The following CSMD1 variants were observed in gnomAD, a reference collection of about 807,000 sequenced individuals.
CSMD1 encodes the protein CUB and Sushi multiple domains 1.
A neutral mutation model predicts 417.5 loss-of-function variants in CSMD1; 213 were observed. The observed-to-expected ratio is 0.51, with a 90% CI of 0.46 to 0.57. CSMD1 has a LOEUF of 0.57. CSMD1 is among the 20% of genes least tolerant of loss of function. CSMD1 has a pLI of 0.00. For synonymous variants in CSMD1, 2,862 were observed against 1,736.8 expected (o/e 1.65, Z -16.11); for missense variants, 6,923 against 4,529.7 (o/e 1.53, Z -15.17).
intron 3 of CSMD1, among the ~76,000 whole-genome samples, chr8:4,232,773 T>C (rs757634903): frequency 1.9e-4 from 29 of 152,342 alleles, no homozygotes; most frequent in South Asian, 4.1e-4. Flanking sequence ...AAAACCCTAA[T>C]TGACGTTTGG....
chr8:4,457,680 C>G (rs1415997886), intron 2 of CSMD1, among the ~76,000 whole-genome samples: 1 of 152,122 alleles, frequency 6.6e-6, no homozygotes, highest in Non-Finnish European at 1.5e-5. Context: ...ATGAAGAGCA[C>G]TAGAGGTTCA....
intron 3 of CSMD1, among the ~76,000 whole-genome samples, chr8:4,286,136 T>G (rs555924745): frequency 6.6e-6 from 1 of 151,920 alleles, no homozygotes; most frequent in East Asian, 1.9e-4. Context: ...GCACATAACG[T>G]TTTTACGTTC....
At chr8:3,279,774 G>C (rs1584919543) in intron 26 of CSMD1, among the ~76,000 whole-genome samples, 2 of 152,100 alleles carry the variant, frequency 1.3e-5, no homozygotes, top group South Asian at 4.1e-4. Flanking sequence ...GAAAGGAGAA[G>C]TGCAAGCAGG....
intron 12 of CSMD1, among the ~76,000 whole-genome samples, chr8:3,426,497 C>G (rs879864364): frequency 3.3e-5 from 5 of 152,186 alleles, no homozygotes; most frequent in Non-Finnish European, 4.4e-5. Context: ...CCTGCTCTTT[C>G]CCTCAATTGC....
chr8:3,364,093 C>T lies in CSMD1; in HGVS notation c.3115+2939G>A, dbSNP rs556150597. Among the ~76,000 whole-genome samples the T allele has an allele frequency of 9.9e-5, 15 of 152,194 alleles. No individual in the cohort carries two copies. In the East Asian group the frequency reaches 1.9e-3, roughly 20 times the overall value. Reference sequence around the variant, plus strand: ...GCATATGAATACCATTTATGATAAACCACAAAGTCTCTGGATGGGTAAATG... The same window carrying T: ...GCATATGAATACCATTTATGATAAATCACAAAGTCTCTGGATGGGTAAATG... On this transcript the variant is annotated intron_variant, in intron 20 of 69. Coordinates refer to ENST00000635120, the MANE Select transcript of CSMD1 (RefSeq NM_033225.6).
chr8:4,296,689 A>T, intron 3 of CSMD1, among the ~76,000 whole-genome samples: 1 of 130,606 alleles, frequency 7.7e-6, no homozygotes, highest in Admixed American at 9.7e-5. Context: ...AAAACACGAA[A>T]ATAAGGGTTT....
intron 1 of CSMD1, among the ~76,000 whole-genome samples, chr8:4,731,804 G>A (rs117861798): frequency 0.026 from 3,930 of 152,136 alleles, 72 homozygotes; most frequent in Non-Finnish European, 0.035. Context: ...TTTAGGGTTG[G>A]GCGAACAACT....
At chr8:4,086,117 G>C (rs899685423) in intron 3 of CSMD1, among the ~76,000 whole-genome samples, 7 of 152,168 alleles carry the variant, frequency 4.6e-5, no homozygotes, top group Admixed American at 1.3e-4. Context: ...TATTCTATGA[G>C]GTAGATGTTA....
At chr8:4,980,471 C>T (rs1157519425) in intron 1 of CSMD1, among the ~76,000 whole-genome samples, 2 of 152,156 alleles carry the variant, frequency 1.3e-5, no homozygotes, top group Non-Finnish European at 2.9e-5. Context: ...GGCCTGTGGG[C>T]CTCCTGGGAG....
At chr8:3,266,604 CA>C (rs60439183) in intron 26 of CSMD1, among the ~76,000 whole-genome samples, 4,962 of 25,432 alleles carry the variant, frequency 0.2, 56 homozygotes, top group East Asian at 0.3. Flanking sequence ...GACTCCCTCT[CA>C]AAAAAAAAAA....
chr8:3,203,226 G>C (rs552139553), intron 31 of CSMD1, among the ~76,000 whole-genome samples: 1 of 152,306 alleles, frequency 6.6e-6, no homozygotes, highest in African/African-American at 2.4e-5. Context: ...TGGATTTTGA[G>C]TACAAGATGT....
At chr8:3,699,326 G>A (rs964149848) in intron 7 of CSMD1, among the ~76,000 whole-genome samples, 2 of 152,178 alleles carry the variant, frequency 1.3e-5, no homozygotes, top group African/African-American at 4.8e-5. Flanking sequence ...TCATGATTCT[G>A]AAACTAGTGT....
intron 54 of CSMD1, among the ~76,000 whole-genome samples, chr8:2,988,485 T>C (rs189840577): frequency 3.4e-4 from 52 of 152,300 alleles, no homozygotes; most frequent in African/African-American, 1.1e-3. Flanking sequence ...CTGAACTGGC[T>C]CAACTCTTAG....
intron 2 of CSMD1, among the ~76,000 whole-genome samples, chr8:4,623,751 AT>A: frequency 6.6e-6 from 1 of 152,126 alleles, no homozygotes; most frequent in South Asian, 2.1e-4. Flanking sequence ...GTATATATAT[AT>A]TTCATATAAT....
chr8:4,176,435 G>T (rs904145592), intron 3 of CSMD1, among the ~76,000 whole-genome samples: 1 of 151,942 alleles, frequency 6.6e-6, no homozygotes, highest in African/African-American at 2.4e-5. Context: ...TACCTTGGAA[G>T]CTTTCCTTTC....
intron 5 of CSMD1, among the ~76,000 whole-genome samples, chr8:3,818,716 A>T (rs1338454331): frequency 6.6e-6 from 1 of 152,202 alleles, no homozygotes; most frequent in Non-Finnish European, 1.5e-5. Context: ...GGAGATGGAA[A>T]ACACAACCAG....
At chr8:4,814,093 C>T (rs908996434) in intron 1 of CSMD1, among the ~76,000 whole-genome samples, 2 of 152,192 alleles carry the variant, frequency 1.3e-5, no homozygotes, top group African/African-American at 4.8e-5. Context: ...TCAGACAAAA[C>T]ATTTAATCCC....
chr8:3,620,101 G>A (rs545433242), intron 7 of CSMD1, among the ~76,000 whole-genome samples: 5 of 151,800 alleles, frequency 3.3e-5, no homozygotes, highest in Non-Finnish European at 5.9e-5. Flanking sequence ...GGCTCCAACT[G>A]AAGAAAAGAA....
chr8:3,090,971 A>C (rs1380858541), intron 48 of CSMD1, among the ~76,000 whole-genome samples: 2 of 152,176 alleles, frequency 1.3e-5, no homozygotes, highest in Non-Finnish European at 2.9e-5. Context: ...GAGAATGATT[A>C]CAGTATATAA....
Sources: allele counts gnomAD v4.1 joint callset (sites outside exome capture counted in the v4.1 genomes callset), GRCh38; gene constraint gnomAD v4.1.1; transcripts MANE v1.5; gene names NCBI Gene and HGNC (gene_info 2026-07-23, HGNC 2026-07-21).